CTNNA3: variants seen among roughly 807,000 people sequenced by gnomAD.
The protein encoded by CTNNA3 is catenin alpha 3.
A neutral mutation model predicts 95.7 loss-of-function variants in CTNNA3; 76 were observed. The ratio of observed to expected loss-of-function variants is 0.79; its 90% CI spans 0.66 to 0.96. The LOEUF is 0.96. Ranked by LOEUF, CTNNA3 falls within the 40% of genes least tolerant of loss-of-function variation. CTNNA3 has a pLI of 0.00. For synonymous variants in CTNNA3, 431 were observed against 374.4 expected, an observed-to-expected ratio of 1.15 and a Z score of -1.74; for missense variants, 1,191 against 1,089.8, an observed-to-expected ratio of 1.09 and a Z score of -1.31.
chr10:67,389,330 G>T (rs1844345364), intron 5 of CTNNA3, among the ~76,000 whole-genome samples: 1 of 150,574 alleles, frequency 6.6e-6, no homozygotes, highest in African/African-American at 2.4e-5. Flanking sequence ...TTACATAATG[G>T]TAAAGGGATC....
chr10:67,464,607 T>C (rs897868341), intron 5 of CTNNA3, among the ~76,000 whole-genome samples: 22 of 152,148 alleles, frequency 1.4e-4, no homozygotes, highest in African/African-American at 4.8e-4. Flanking sequence ...ACACTGAATA[T>C]ATAATTCATT....
intron 5 of CTNNA3, among the ~76,000 whole-genome samples, chr10:67,428,696 T>C (rs1404560500): frequency 6.6e-6 from 1 of 152,012 alleles, no homozygotes; most frequent in Admixed American, 6.6e-5. Context: ...TTTGAGTCAC[T>C]GGGCTGGGGA....
At chr10:67,648,896 T>C (rs1309039442) in intron 1 of CTNNA3, 3 of 843,248 alleles carry the variant, frequency 3.6e-6, no homozygotes, top group African/African-American at 1.8e-5. Flanking sequence ...TTTCTAGAAC[T>C]GAAATGTTTT....
intron 5 of CTNNA3, among the ~76,000 whole-genome samples, chr10:67,494,482 A>C (rs1184808940): frequency 1.3e-5 from 2 of 152,236 alleles, no homozygotes; most frequent in African/African-American, 4.8e-5. Flanking sequence ...ATTATAGAAA[A>C]TAGCAGCAGC....
At chr10:66,875,175 G>C (rs1363210436) in intron 7 of CTNNA3, among the ~76,000 whole-genome samples, 1 of 152,108 alleles carries the variant, frequency 6.6e-6, no homozygotes, top group African/African-American at 2.4e-5. Context: ...GTCCAGTGGT[G>C]GGAAGAAAGA....
chr10:67,219,653 G>A lies in CTNNA3; in HGVS notation c.797C>T (p.Pro266Leu), dbSNP rs1380464983. ...SQGIQNMTTP[P>L]EPQAATLGSA... The stretch of plus-strand genomic sequence containing the variant: ...TCCCAGGGTTGCTGCCTGAGGTTCT[G>A]GTGGGGTTGTCATATTCTGGATCCC... The change falls in exon 6 of 18, where the codon CCA becomes CTA. Residue 266 changes from proline (P) to leucine (L), a missense_variant. Physicochemically the swap from Pro to Leu is moderately conservative, Grantham distance 98. Transcript: ENST00000433211. 1 of 1,614,078 alleles carries A rather than the reference G, an allele frequency of 6.2e-7. No individual in the cohort carries two copies. Among genetic ancestry groups the A allele is most frequent in the Non-Finnish European group, 8.5e-7 (1 of 1,179,990 alleles).
intron 9 of CTNNA3, among the ~76,000 whole-genome samples, chr10:66,653,781 A>T (rs1845988052): frequency 6.6e-6 from 1 of 152,104 alleles, no homozygotes; most frequent in Non-Finnish European, 1.5e-5. Flanking sequence ...TGGAATAGAC[A>T]GTCCAAAAAT....
At chr10:67,130,101 C>A (rs752261078) in intron 7 of CTNNA3, among the ~76,000 whole-genome samples, 1 of 152,080 alleles carries the variant, frequency 6.6e-6, no homozygotes, top group Non-Finnish European at 1.5e-5. Flanking sequence ...TGTTCAAGCA[C>A]CCATCACCAT....
At chr10:66,223,198 T>C (rs1427989057) in intron 13 of CTNNA3, among the ~76,000 whole-genome samples, 1 of 151,942 alleles carries the variant, frequency 6.6e-6, no homozygotes, top group African/African-American at 2.4e-5. Flanking sequence ...AAAGTTAATA[T>C]AGACGAGGGA....
intron 9 of CTNNA3, among the ~76,000 whole-genome samples, chr10:66,640,291 T>C (rs987372787): frequency 6.6e-6 from 1 of 152,154 alleles, no homozygotes; most frequent in Non-Finnish European, 1.5e-5. Context: ...GCATAGTCGT[T>C]CACTAGGAAC....
At chr10:66,404,345 T>C (rs540461186) in intron 11 of CTNNA3, among the ~76,000 whole-genome samples, 2 of 152,144 alleles carry the variant, frequency 1.3e-5, no homozygotes, top group Admixed American at 1.3e-4. Context: ...CAGCTTCAGG[T>C]CAATTAAACT....
intron 13 of CTNNA3, among the ~76,000 whole-genome samples, chr10:66,277,647 A>C (rs1008009595): frequency 1.3e-5 from 2 of 152,080 alleles, no homozygotes; most frequent in African/African-American, 4.8e-5. Context: ...TTTATGGATC[A>C]TTTTCCAAGG....
At chr10:65,940,703 A>G (rs768242373) in intron 17 of CTNNA3, among the ~76,000 whole-genome samples, 1 of 152,234 alleles carries the variant, frequency 6.6e-6, no homozygotes, top group Non-Finnish European at 1.5e-5. Flanking sequence ...TTAAAAAATT[A>G]TACTCTAAGC....
At chr10:66,175,476 C>T (rs2085659617) in intron 13 of CTNNA3, among the ~76,000 whole-genome samples, 1 of 152,202 alleles carries the variant, frequency 6.6e-6, no homozygotes. Context: ...TATCACCAAA[C>T]ACTGACCAGG....
chr10:66,895,695 A>G (rs1589387717), intron 7 of CTNNA3, among the ~76,000 whole-genome samples: 1 of 152,218 alleles, frequency 6.6e-6, no homozygotes, highest in East Asian at 1.9e-4. Flanking sequence ...AATGAGGATA[A>G]TACAAGTGCT....
chr10:66,428,050 G>A (rs2093258562), intron 11 of CTNNA3, among the ~76,000 whole-genome samples: 1 of 152,072 alleles, frequency 6.6e-6, no homozygotes, highest in South Asian at 2.1e-4. Flanking sequence ...ATAAAAGGAT[G>A]GAGGAAGATC....
At chr10:67,523,302 T>C (rs982808834) in intron 4 of CTNNA3, among the ~76,000 whole-genome samples, 3 of 152,144 alleles carry the variant, frequency 2.0e-5, no homozygotes, top group Non-Finnish European at 4.4e-5. Flanking sequence ...CTGGAGAAAC[T>C]AGACATGAAA....
At chr10:66,026,059 G>A (rs570969467) in intron 15 of CTNNA3, among the ~76,000 whole-genome samples, 5 of 152,198 alleles carry the variant, frequency 3.3e-5, no homozygotes, top group East Asian at 1.9e-4. Flanking sequence ...TTTTGAGAGC[G>A]TATCATTAAA....
At chr10:66,702,644 T>G (rs1159844577) in intron 9 of CTNNA3, among the ~76,000 whole-genome samples, 1 of 143,400 alleles carries the variant, frequency 7.0e-6, no homozygotes, top group African/African-American at 2.6e-5. Context: ...AGGTGGTGGT[T>G]GCAGTGAGCC....
Sources: allele counts gnomAD v4.1 joint callset (sites outside exome capture counted in the v4.1 genomes callset), GRCh38; gene constraint gnomAD v4.1.1; transcripts MANE v1.5; gene names NCBI Gene and HGNC (gene_info 2026-07-23, HGNC 2026-07-21).